The following SLC1A1 variants were observed in gnomAD, a reference collection of about 807,000 sequenced individuals.
The protein encoded by SLC1A1 is excitatory amino acid transporter 3.
Under a neutral mutation model 53.3 loss-of-function variants are expected in SLC1A1, and 43 were observed. The observed-to-expected ratio is 0.81, with a 90% confidence interval of 0.63 to 1.04. The LOEUF (loss-of-function observed/expected upper bound fraction) is 1.04. Among genes scored for constraint, SLC1A1 ranks in the 50% least tolerant of loss-of-function variants. The probability of loss-of-function intolerance (pLI) is 0.00; values close to 1 mark genes in which losing one functional copy is unlikely to be tolerated. For synonymous variants in SLC1A1, 307 were observed against 243.2 expected, an observed-to-expected ratio of 1.26 and a Z score of -2.44; for missense variants, 748 against 664.9, an observed-to-expected ratio of 1.12 and a Z score of -1.37.
intron 1 of SLC1A1, among the ~76,000 whole-genome samples, chr9:4,506,314 C>T (rs942119846): frequency 1.3e-5 from 2 of 152,160 alleles, no homozygotes; most frequent in Admixed American, 6.5e-5. Flanking sequence ...TTTTAAAGTA[C>T]ATTTGCACAT....
chr9:4,545,638 G>C (rs1162459814), intron 2 of SLC1A1, among the ~76,000 whole-genome samples: 1 of 152,188 alleles, frequency 6.6e-6, no homozygotes, highest in East Asian at 1.9e-4. Context: ...ATTTGCTGTG[G>C]GGACCAGCAG....
intron 8 of SLC1A1, among the ~76,000 whole-genome samples, chr9:4,574,611 T>A (rs1434450131): frequency 6.6e-6 from 1 of 152,098 alleles, no homozygotes; most frequent in Non-Finnish European, 1.5e-5. Context: ...TTGGGTAGTT[T>A]CCATATTTAT....
At chr9:4,518,459 T>C (rs1815943599) in intron 1 of SLC1A1, among the ~76,000 whole-genome samples, 1 of 151,888 alleles carries the variant, frequency 6.6e-6, no homozygotes, top group Non-Finnish European at 1.5e-5. Context: ...CTCAGCAGCC[T>C]GAGCTCAAGC....
At chr9:4,567,565 G>T (rs1819605664) in intron 5 of SLC1A1, 104 bp from the exon 6 acceptor site, 2 of 735,670 alleles carry the variant, frequency 2.7e-6, no homozygotes, top group Middle Eastern at 2.6e-4. Flanking sequence ...GATCCCTTCA[G>T]TGGCACTGTT....
intron 2 of SLC1A1, among the ~76,000 whole-genome samples, chr9:4,550,394 T>G (rs1036599729): frequency 1.3e-5 from 2 of 152,140 alleles, no homozygotes; most frequent in African/African-American, 4.8e-5. Context: ...CTACTTTTTG[T>G]TGGGAAAGGG....
At chr9:4,568,308 C>T (rs1009638669) in intron 6 of SLC1A1, among the ~76,000 whole-genome samples, 7 of 151,810 alleles carry the variant, frequency 4.6e-5, no homozygotes, top group Admixed American at 1.3e-4. Context: ...GTCCCAGCTA[C>T]TCGGGAGGCT....
intron 1 of SLC1A1, among the ~76,000 whole-genome samples, chr9:4,498,162 C>CTCT (rs1820504855): frequency 6.6e-6 from 1 of 152,132 alleles, no homozygotes; most frequent in African/African-American, 2.4e-5. Flanking sequence ...GCCAGAGGAA[C>CTCT]TCTTCTGTAA....
At chr9:4,540,368 G>A (rs752395377) in intron 1 of SLC1A1, among the ~76,000 whole-genome samples, 3 of 152,126 alleles carry the variant, frequency 2.0e-5, no homozygotes, top group Non-Finnish European at 2.9e-5. Flanking sequence ...GAGCTCGGGT[G>A]CCATGGGTGA....
chr9:4,576,347 G>C (rs1017147071), intron 9 of SLC1A1, among the ~76,000 whole-genome samples: 1 of 152,238 alleles, frequency 6.6e-6, no homozygotes, highest in Admixed American at 6.5e-5. Flanking sequence ...GAATAACTGG[G>C]AGCAGTGGTG....
intron 1 of SLC1A1, among the ~76,000 whole-genome samples, chr9:4,511,715 A>C (rs553907559): frequency 3.4e-4 from 51 of 152,234 alleles, no homozygotes; most frequent in African/African-American, 1.2e-3. Context: ...CTCACTGGAA[A>C]CCTGGGCCAG....
At chr9:4,533,784 TC>T (rs1234777377) in intron 1 of SLC1A1, among the ~76,000 whole-genome samples, 2 of 151,762 alleles carry the variant, frequency 1.3e-5, no homozygotes, top group Non-Finnish European at 2.9e-5. Flanking sequence ...CCACACCTAT[TC>T]CAAAATTGAC....
intron 1 of SLC1A1, among the ~76,000 whole-genome samples, chr9:4,527,278 C>T (rs1399799760): frequency 2.0e-5 from 3 of 152,166 alleles, no homozygotes; most frequent in Non-Finnish European, 4.4e-5. Flanking sequence ...CCTTGTGAGA[C>T]CCTGAGCAGA....
intron 2 of SLC1A1, among the ~76,000 whole-genome samples, chr9:4,558,785 C>A (rs796178580): frequency 2.0e-4 from 31 of 152,184 alleles, no homozygotes; most frequent in African/African-American, 7.2e-4. Context: ...CACTTGTCAG[C>A]ACTTCAGGGG....
intron 1 of SLC1A1, among the ~76,000 whole-genome samples, chr9:4,504,169 C>G (rs1299570908): frequency 1.3e-5 from 2 of 152,200 alleles, no homozygotes; most frequent in Non-Finnish European, 2.9e-5. Flanking sequence ...ATTCTCTGGG[C>G]TAATTAGAGA....
rs1817748378 is a variant in SLC1A1, at chr9:4,549,424, C to G, written c.232+4717C>G. Among the ~76,000 whole-genome samples, 1 of 152,184 alleles carries G rather than the reference C, an allele frequency of 6.6e-6. No individual in the cohort carries two copies. Among genetic ancestry groups the G allele is most frequent in the Non-Finnish European group, 1.5e-5 (1 of 68,036 alleles). ...ACTTCTACTCAGGACATAATCTTTG[C>G]TAAAGGTAACCAAAAGCAGATGAAA... is the stretch of plus-strand genomic sequence containing the variant. On this transcript the variant is annotated intron_variant, in intron 2 of 11. Transcript: ENST00000262352. The surrounding 1 kb of genome is among the most constrained non-coding windows in gnomAD (Gnocchi z 4.1).
chr9:4,570,432 C>G (rs1017097366), intron 6 of SLC1A1, among the ~76,000 whole-genome samples: 1 of 151,008 alleles, frequency 6.6e-6, no homozygotes, highest in South Asian at 2.1e-4. Flanking sequence ...AGTGCAGTGG[C>G]GTGACCTTGG....
intron 1 of SLC1A1, among the ~76,000 whole-genome samples, chr9:4,534,803 C>A (rs531782719): frequency 6.6e-6 from 1 of 152,218 alleles, no homozygotes; most frequent in South Asian, 2.1e-4. Context: ...ATGCAAAAAT[C>A]CTCAGTAAAA....
At chr9:4,564,518 A>T (rs192766953) in intron 4 of SLC1A1, 60 bp downstream of exon 4, 2 of 918,948 alleles carry the variant, frequency 2.2e-6, no homozygotes, top group Non-Finnish European at 3.6e-6. Context: ...AAGGCCTTGT[A>T]TGTGGTTTAA....
intron 1 of SLC1A1, among the ~76,000 whole-genome samples, chr9:4,508,269 G>A (rs1412318193): frequency 6.6e-6 from 1 of 152,152 alleles, no homozygotes; most frequent in Non-Finnish European, 1.5e-5. Context: ...GCAAGACTTT[G>A]GAATCCACAA....
Sources: allele counts gnomAD v4.1 joint callset (sites outside exome capture counted in the v4.1 genomes callset), GRCh38; gene constraint gnomAD v4.1.1; non-coding constraint Gnocchi (gnomAD v3.1); transcripts MANE v1.5; gene names NCBI Gene and HGNC (gene_info 2026-07-23, HGNC 2026-07-21).